Variants in TMEM276 observed in about 807,000 individuals in gnomAD.
The protein encoded by TMEM276 is transmembrane protein 276.
At chr8:144,464,050 G>T in the TMEM276 span, 30 of 1,550,196 alleles carry the variant, frequency 1.9e-5, 1 homozygote, top group African/African-American at 3.4e-4. Flanking sequence ...TACCCCTAGG[G>T]AGAAGGCGCC....
the TMEM276 span, chr8:144,465,136 GA>G: frequency 1.4e-6 from 2 of 1,411,548 alleles, no homozygotes; most frequent in Admixed American, 2.4e-5. Flanking sequence ...GGAAACGGGG[GA>G]AAACGACTCA....
the TMEM276 span, chr8:144,466,967 GAGCCTGA>G: frequency 6.3e-7 from 1 of 1,594,236 alleles, no homozygotes; most frequent in Non-Finnish European, 8.5e-7. Context: ...AGCCAGCTCC[GAGCCTGA>G]GGATGGGTCG....
At chr8:144,465,863 G>T in the TMEM276 span, among the ~76,000 whole-genome samples, 1 of 114,636 alleles carries the variant, frequency 8.7e-6, no homozygotes, top group Non-Finnish European at 1.8e-5. Flanking sequence ...GCGATGGGGG[G>T]GTCTGGGCGT....
the TMEM276 span, chr8:144,464,054 A>C: frequency 4.5e-6 from 7 of 1,549,908 alleles, no homozygotes; most frequent in South Asian, 3.7e-5. Flanking sequence ...CCTAGGGAGA[A>C]GGCGCCAGGA....
At chr8:144,463,985 C>T in the TMEM276 span, 1 of 1,512,254 alleles carries the variant, frequency 6.6e-7, no homozygotes, top group Non-Finnish European at 8.8e-7. Context: ...AGCACCCAGA[C>T]TCTGCCCCTG....
At chr8:144,465,354 G>C in the TMEM276 span, 6 of 1,073,228 alleles carry the variant, frequency 5.6e-6, no homozygotes, top group Admixed American at 1.5e-4. Flanking sequence ...CGCAGTTACC[G>C]GGCTGCGCGG....
At chr8:144,465,326 T>C in the TMEM276 span, 8 of 1,099,004 alleles carry the variant, frequency 7.3e-6, no homozygotes, top group South Asian at 1.7e-4. Context: ...GGCGCAGGAC[T>C]CCGGGAGGCC....
At chr8:144,464,719 TC>T in the TMEM276 span, 1 of 1,564,790 alleles carries the variant, frequency 6.4e-7, no homozygotes, top group Non-Finnish European at 8.7e-7. Context: ...TAGACGCACT[TC>T]CCACCAACCT....
the TMEM276 span, chr8:144,466,370 C>A: frequency 1.3e-6 from 1 of 791,364 alleles, no homozygotes; most frequent in Non-Finnish European, 1.6e-6. Context: ...AGTCTGGGCG[C>A]GGGGACGCGG....
the TMEM276 span, chr8:144,465,307 A>G: frequency 8.9e-7 from 1 of 1,117,444 alleles, no homozygotes; most frequent in Non-Finnish European, 1.1e-6. Flanking sequence ...CGGGTCCAGG[A>G]GGAGCGACGG....
chr8:144,463,908 C>CA, the TMEM276 span: 1 of 1,413,570 alleles, frequency 7.1e-7, no homozygotes. Flanking sequence ...TCAGGACCCC[C>CA]AAACGTGTCT....
chr8:144,466,434 C>T, the TMEM276 span: 23 of 1,354,218 alleles, frequency 1.7e-5, no homozygotes, highest in East Asian at 1.0e-4. Context: ...ACGCCTTTTA[C>T]TCGTTGCTCA....
chr8:144,464,081 GA>G, the TMEM276 span: 2 of 1,570,010 alleles, frequency 1.3e-6, no homozygotes, highest in Non-Finnish European at 1.7e-6. Flanking sequence ...AGGTGGGAGG[GA>G]AAGTGTTCGG....
chr8:144,466,698 G>A, the TMEM276 span: 77 of 1,357,724 alleles, frequency 5.7e-5, no homozygotes, highest in Non-Finnish European at 6.7e-5. Flanking sequence ...CCGGTTCGCG[G>A]AGGGAAGGGG....
chr8:144,466,130 G>A, the TMEM276 span: 1 of 158,962 alleles, frequency 6.3e-6, no homozygotes, highest in African/African-American at 2.4e-5. Flanking sequence ...GGGTGGGAGG[G>A]ATTCCGAGAG....
At chr8:144,466,339 C>G in the TMEM276 span, 2 of 424,710 alleles carry the variant, frequency 4.7e-6, no homozygotes, top group Admixed American at 5.3e-5. Context: ...TGCGCACCGG[C>G]ACTGCGGCGG....
At chr8:144,463,905 C>G in the TMEM276 span, 1 of 1,411,700 alleles carries the variant, frequency 7.1e-7, no homozygotes, top group African/African-American at 1.4e-5. Flanking sequence ...GAATCAGGAC[C>G]CCCAAACGTG....
At chr8:144,465,370 A>G in the TMEM276 span, 15 of 1,036,798 alleles carry the variant, frequency 1.4e-5, no homozygotes, top group Non-Finnish European at 1.7e-5. Context: ...CGCGGTCCCA[A>G]CGCAGCGGCG....
chr8:144,466,674 C>T, the TMEM276 span: 1 of 1,207,930 alleles, frequency 8.3e-7, no homozygotes, highest in African/African-American at 1.6e-5. Context: ...AGACTTCGGC[C>T]CCAATCCTCC....
Sources: allele counts gnomAD v4.1 joint callset (sites outside exome capture counted in the v4.1 genomes callset), GRCh38; gene constraint gnomAD v4.1.1; transcripts MANE v1.5; gene names NCBI Gene and HGNC (gene_info 2026-07-23, HGNC 2026-07-21).